PAK3: variants seen among roughly 807,000 people sequenced by gnomAD.
PAK3 encodes the protein serine/threonine-protein kinase PAK 3.
Under a neutral mutation model 41.0 loss-of-function variants are expected in PAK3, and 4 were observed. The ratio of observed to expected loss-of-function variants is 0.10; its 90% CI spans 0.05 to 0.22. The LOEUF (loss-of-function observed/expected upper bound fraction) is 0.22. PAK3 is among the 10% of genes least tolerant of loss of function. PAK3 has a pLI of 1.00. For synonymous variants in PAK3, 146 were observed against 139.6 expected, an observed-to-expected ratio of 1.05 and a Z score of -0.32; for missense variants, 205 against 409.9, an observed-to-expected ratio of 0.50 and a Z score of 4.32.
At chrX:111,159,561 A>G (rs2094145630) in intron 8 of PAK3, among the ~76,000 whole-genome samples, 1 of 111,780 alleles carries the variant, frequency 8.9e-6, no homozygotes, top group African/African-American at 3.3e-5. Context: ...AGATAGGGCA[A>G]AACTTTCTGG....
intron 1 of PAK3, among the ~76,000 whole-genome samples, chrX:111,031,251 C>T (rs1420492657): frequency 9.0e-6 from 1 of 111,308 alleles, no homozygotes; most frequent in African/African-American, 3.3e-5. Context: ...GTAGAGAGAG[C>T]TAGGCAAGTC....
intron 13 of PAK3, among the ~76,000 whole-genome samples, chrX:111,193,010 C>T (rs1446978914): frequency 2.7e-5 from 3 of 111,891 alleles, no homozygotes; most frequent in African/African-American, 9.7e-5. Context: ...GATTAACTAA[C>T]AGTGAGGTCT....
intron 1 of PAK3, among the ~76,000 whole-genome samples, chrX:110,949,310 T>C (rs2090691349): frequency 9.0e-6 from 1 of 111,603 alleles, no homozygotes; most frequent in African/African-American, 3.3e-5. Context: ...TATAGTTGTC[T>C]GATTCACCAA....
chrX:111,062,411 C>T (rs2092664340), intron 1 of PAK3, among the ~76,000 whole-genome samples: 1 of 112,125 alleles, frequency 8.9e-6, no homozygotes, highest in Non-Finnish European at 1.9e-5. Flanking sequence ...GTGGTACGTA[C>T]AAACTTGAGA....
At chrX:111,021,400 C>A (rs1214817111) in intron 1 of PAK3, among the ~76,000 whole-genome samples, 1 of 111,978 alleles carries the variant, frequency 8.9e-6, no homozygotes, top group Admixed American at 9.4e-5. Flanking sequence ...GTCTGGAGCC[C>A]AATAGCTCCA....
chrX:110,963,402 G>A (rs1235547832), intron 1 of PAK3, among the ~76,000 whole-genome samples: 1 of 111,863 alleles, frequency 8.9e-6, no homozygotes, highest in Non-Finnish European at 1.9e-5. Flanking sequence ...AGCTCAGGCT[G>A]TAGGCTTTTC....
At chrX:111,204,176 A>C (rs1212682947) in intron 16 of PAK3, among the ~76,000 whole-genome samples, 1 of 111,911 alleles carries the variant, frequency 8.9e-6, no homozygotes, top group Non-Finnish European at 1.9e-5. Flanking sequence ...GCCATAGGAA[A>C]GCTGCAAGTC....
At chrX:111,077,105 G>A (rs2092792387) in intron 1 of PAK3, among the ~76,000 whole-genome samples, 1 of 111,403 alleles carries the variant, frequency 9.0e-6, no homozygotes, top group Non-Finnish European at 1.9e-5. Flanking sequence ...AGACCAAGGA[G>A]GTGAGAGATC....
intron 1 of PAK3, among the ~76,000 whole-genome samples, chrX:111,033,453 C>A (rs915465862): frequency 7.1e-5 from 8 of 112,186 alleles, no homozygotes; most frequent in African/African-American, 2.6e-4. Context: ...ACTGCACTCA[C>A]CTTGCTGTCG....
chrX:111,007,643 C>T (rs1421638471), intron 1 of PAK3, among the ~76,000 whole-genome samples: 1 of 111,997 alleles, frequency 8.9e-6, no homozygotes, highest in Non-Finnish European at 1.9e-5. Context: ...ATGTCTCTCA[C>T]TTGGAGGACC....
rs112552040 is a variant in PAK3, at chrX:110,971,100, T to C, written c.-28+26472T>C. ...TTTTAAAAATCAGCTTGAGATAAGA[T>C]TCACATGCTGTACAATTCACCCATT... is the stretch of plus-strand genomic sequence containing the variant. On this transcript the variant is annotated intron_variant, in intron 1 of 14. Transcript: ENST00000425146. 9.6e-3 allele frequency among the ~76,000 whole-genome samples: 1,082 copies of C among 112,272 alleles called. 13 individuals carry two copies. The highest frequency in any genetic ancestry group is 0.034 in the African/African-American group (1,035 of 30,892).
chrX:111,195,704 G>T, intron 14 of PAK3, 138 bp from the exon 15 acceptor site: 1 of 464,915 alleles, frequency 2.2e-6, no homozygotes, highest in Non-Finnish European at 3.8e-6. Flanking sequence ...ACTTTAAAGT[G>T]GTGTTGTTAA....
intron 1 of PAK3, among the ~76,000 whole-genome samples, chrX:111,035,970 A>G (rs934815280): frequency 1.8e-5 from 2 of 112,626 alleles, no homozygotes; most frequent in South Asian, 7.5e-4. Flanking sequence ...TAAACAAGCT[A>G]AACGGCCAGT....
chrX:111,129,730 C>A (rs1714876848), intron 5 of PAK3, among the ~76,000 whole-genome samples: 2 of 110,929 alleles, frequency 1.8e-5, no homozygotes, highest in African/African-American at 6.6e-5. Context: ...GGTAAAGAAG[C>A]CACAGGGAGA....
chrX:111,182,685 A>T (rs929544265), intron 11 of PAK3, among the ~76,000 whole-genome samples: 3 of 111,154 alleles, frequency 2.7e-5, no homozygotes, highest in African/African-American at 9.8e-5. Flanking sequence ...CAAACTATAT[A>T]TATACAGATA....
intron 4 of PAK3, among the ~76,000 whole-genome samples, chrX:111,118,057 G>A (rs187231847): frequency 6.9e-4 from 77 of 111,910 alleles, no homozygotes; most frequent in Non-Finnish European, 3.8e-4. Context: ...GGGCATTAAT[G>A]TCTGAAAAGT....
chrX:111,021,843 G>A (rs182640909), intron 1 of PAK3, among the ~76,000 whole-genome samples: 37 of 110,224 alleles, frequency 3.4e-4, no homozygotes, highest in African/African-American at 9.9e-4. Context: ...AATCACAACC[G>A]CAGGAAATCA....
chrX:111,072,792 G>A (rs1188363567), intron 1 of PAK3, among the ~76,000 whole-genome samples: 1 of 112,187 alleles, frequency 8.9e-6, no homozygotes, highest in African/African-American at 3.2e-5. Context: ...GAAAGTCTGA[G>A]CTAGGGTGGT....
intron 1 of PAK3, among the ~76,000 whole-genome samples, chrX:111,077,520 T>C (rs1304642993): frequency 9.0e-6 from 1 of 111,548 alleles, no homozygotes; most frequent in Non-Finnish European, 1.9e-5. Flanking sequence ...TTAAGGTAAA[T>C]TGATTTTTGA....
Sources: gnomAD v4.1 joint callset for allele counts (sites outside exome capture counted in the v4.1 genomes callset) on GRCh38, gnomAD v4.1.1 for gene constraint, MANE v1.5 for transcripts, NCBI Gene and HGNC (gene_info 2026-07-23, HGNC 2026-07-21) for gene names.